CAMTA1: variants seen among roughly 807,000 people sequenced by gnomAD.
The protein encoded by CAMTA1 is calmodulin-binding transcription activator 1.
Under a neutral mutation model 170.9 loss-of-function variants are expected in CAMTA1, and 27 were observed. That is an observed-to-expected ratio of 0.16 (90% confidence interval 0.12 to 0.22). The LOEUF is 0.22. Among genes scored for constraint, CAMTA1 ranks in the 10% least tolerant of loss-of-function variants. CAMTA1 has a pLI of 1.00. For synonymous variants in CAMTA1, 833 were observed against 891.5 expected (o/e 0.93, Z 1.17); for missense variants, 1,619 against 2,217.2 (o/e 0.73, Z 5.42).
intron 3 of CAMTA1, among the ~76,000 whole-genome samples, chr1:6,995,677 G>A (rs1487759543): frequency 1.3e-5 from 2 of 152,218 alleles, no homozygotes; most frequent in Non-Finnish European, 2.9e-5. Context: ...GTGACTAACA[G>A]ATCGGGAGAT....
chr1:7,557,066 G>C (rs1168620430), intron 6 of CAMTA1, among the ~76,000 whole-genome samples: 1 of 152,064 alleles, frequency 6.6e-6, no homozygotes, highest in Non-Finnish European at 1.5e-5. Flanking sequence ...CCAGCACTTG[G>C]GGAGACCGAG....
chr1:6,839,127 A>G (rs1654597990), intron 3 of CAMTA1, among the ~76,000 whole-genome samples: 1 of 152,050 alleles, frequency 6.6e-6, no homozygotes, highest in African/African-American at 2.4e-5. Flanking sequence ...TCACGCCTGT[A>G]ATCTCAGCAC....
intron 5 of CAMTA1, among the ~76,000 whole-genome samples, chr1:7,403,505 G>A (rs775798395): frequency 2.0e-5 from 3 of 152,166 alleles, no homozygotes; most frequent in Non-Finnish European, 2.9e-5. Flanking sequence ...AGTACCTCCT[G>A]GAAGATGTAA....
chr1:7,546,887 C>A (rs2150142308), intron 6 of CAMTA1, among the ~76,000 whole-genome samples: 1 of 151,898 alleles, frequency 6.6e-6, no homozygotes, highest in South Asian at 2.1e-4. Context: ...CAGGTGGTGT[C>A]TGCAAGGCTT....
chr1:7,278,446 C>A (rs1342775410), intron 5 of CAMTA1, among the ~76,000 whole-genome samples: 1 of 152,126 alleles, frequency 6.6e-6, no homozygotes, highest in Non-Finnish European at 1.5e-5. Flanking sequence ...TTATTAACTA[C>A]AACAATAAAA....
Position 6,887,894 on chromosome 1 carries a change from G to A in CAMTA1, c.234+62684G>A, listed in dbSNP as rs985679274. On this transcript the variant is annotated intron_variant, in intron 3 of 22. Coordinates refer to ENST00000303635, the MANE Select transcript of CAMTA1 (RefSeq NM_015215.4). The surrounding 1 kb of genome is among the most constrained non-coding windows in gnomAD (Gnocchi z 4.1). ...AAATAGAATAAAGTGACCTACTCTT[G>A]CCTCATCCGGAGTTATTACGAAGGA... 23 of 1,386,836 alleles carry A rather than the reference G, an allele frequency of 1.7e-5. No individual in the cohort carries two copies. The highest frequency in any genetic ancestry group is 2.8e-6 in the Non-Finnish European group (3 of 1,068,294). The allele number at this position is 1,386,836 out of a possible 1,614,324, so 85.9% of individuals were successfully genotyped here.
chr1:7,412,596 TG>T (rs1317340011), intron 5 of CAMTA1, among the ~76,000 whole-genome samples: 1 of 147,532 alleles, frequency 6.8e-6, no homozygotes, highest in East Asian at 2.5e-4. Flanking sequence ...GCCCACTTTT[TG>T]ATGGGGTTGT....
chr1:7,462,438 T>A (rs1474915722), intron 5 of CAMTA1, among the ~76,000 whole-genome samples: 1 of 152,122 alleles, frequency 6.6e-6, no homozygotes, highest in African/African-American at 2.4e-5. Context: ...CTAATTTTTG[T>A]ATTTTTAGTA....
intron 5 of CAMTA1, among the ~76,000 whole-genome samples, chr1:7,353,218 T>G (rs944994075): frequency 6.6e-6 from 1 of 152,162 alleles, no homozygotes; most frequent in Non-Finnish European, 1.5e-5. Context: ...GCACCTGCTC[T>G]TCCCTGTTGG....
At chr1:7,101,786 CAA>C (rs907227294) in intron 4 of CAMTA1, among the ~76,000 whole-genome samples, 1 of 149,262 alleles carries the variant, frequency 6.7e-6, no homozygotes, top group African/African-American at 2.5e-5. Context: ...TTGTAACACA[CAA>C]TACATGTGTG....
intron 4 of CAMTA1, among the ~76,000 whole-genome samples, chr1:7,189,662 G>A (rs992162436): frequency 1.3e-5 from 2 of 152,216 alleles, no homozygotes; most frequent in African/African-American, 4.8e-5. Context: ...CAGTGAAAAC[G>A]GAACACATCT....
intron 3 of CAMTA1, among the ~76,000 whole-genome samples, chr1:6,828,890 G>GTTTTT (rs1026284603): frequency 3.9e-5 from 4 of 102,004 alleles, no homozygotes; most frequent in African/African-American, 4.0e-5. Flanking sequence ...CTGTAACGTA[G>GTTTTT]TTTTTTTTTT....
In CAMTA1 at chr1:7,680,231, C is replaced by A; in HGVS notation, c.2914+2498C>A. The A allele has an allele frequency of 3.8e-6, 1 of 263,328 alleles. No homozygotes were observed. Among genetic ancestry groups the A allele is most frequent in the South Asian group, 2.9e-5 (1 of 34,432 alleles). 16.3% of individuals were successfully genotyped at this position (263,328 alleles called of 1,614,324 possible). On this transcript the variant is annotated intron_variant, in intron 11 of 22. Transcript: ENST00000303635. The surrounding 1 kb of genome is among the most constrained non-coding windows in gnomAD (Gnocchi z 4.4). ...CCGGGCGGTGGTGAGCCTTCCGTTC[C>A]CCGCCTGTCCCTCCCGGCCCCTCCC...
intron 6 of CAMTA1, among the ~76,000 whole-genome samples, chr1:7,520,227 T>C (rs1575769250): frequency 3.8e-4 from 4 of 10,542 alleles, no homozygotes; most frequent in Admixed American, 2.5e-3. Context: ...CTCCTCCTCC[T>C]CCCTCCTCCT....
At chr1:7,757,268 A>G (rs1395476894) in intron 22 of CAMTA1, among the ~76,000 whole-genome samples, 1 of 152,194 alleles carries the variant, frequency 6.6e-6, no homozygotes, top group East Asian at 1.9e-4. Flanking sequence ...GTCTGTCCCA[A>G]CTACTCAGTT....
In CAMTA1 at chr1:7,325,622, G is replaced by A. The variant is rs74910920; in HGVS notation, c.438+75996G>A. Among the ~76,000 whole-genome samples the A allele has an allele frequency of 6.3e-3, 958 of 152,334 alleles. 12 individuals carry two copies. The highest frequency in any genetic ancestry group is 0.022 in the African/African-American group (918 of 41,558). ...GATTTCCTAATGGAACAGAGATGGG[G>A]TAGAGTCAAGCTTTTTTCTGCATGT... On this transcript the variant is annotated intron_variant, in intron 5 of 22. Coordinates refer to ENST00000303635, the MANE Select transcript of CAMTA1 (RefSeq NM_015215.4). The surrounding 1 kb of genome is among the most constrained non-coding windows in gnomAD (Gnocchi z 5.0).
intron 11 of CAMTA1, among the ~76,000 whole-genome samples, chr1:7,691,564 A>G (rs1318646998): frequency 6.6e-6 from 1 of 152,180 alleles, no homozygotes; most frequent in Non-Finnish European, 1.5e-5. Flanking sequence ...TGTGAGAGCC[A>G]CCGAGGAGAT....
chr1:6,825,947 G>A lies in CAMTA1; in HGVS notation c.234+737G>A, dbSNP rs144672636. ...GAATTGGGTATACGTCCATCAATTT[G>A]GGAGTTATATTCCTTTAATTCAGAT... On this transcript the variant is annotated intron_variant, in intron 3 of 22. Coordinates refer to ENST00000303635, the MANE Select transcript of CAMTA1 (RefSeq NM_015215.4). Among the ~76,000 whole-genome samples the A allele has an allele frequency of 3.4e-3, 516 of 152,266 alleles. 3 individuals carry two copies. Among genetic ancestry groups the A allele is most frequent in the Non-Finnish European group, 5.2e-3 (353 of 68,014 alleles).
chr1:7,580,741 A>C lies in CAMTA1; in HGVS notation c.511-59659A>C, dbSNP rs1310747867. On this transcript the variant is annotated intron_variant, in intron 6 of 22. Coordinates refer to ENST00000303635, the MANE Select transcript of CAMTA1 (RefSeq NM_015215.4). This position sits in a 1 kb window ranked among gnomAD's most constrained non-coding sequence, Gnocchi z 4.3. ...TCTTCCTGGATGGGCTGCCGGTCGG[A>C]GGGAACTTGGCATTTGACTCTGGCT... is the stretch of plus-strand genomic sequence containing the variant. 6.6e-6 allele frequency among the ~76,000 whole-genome samples: 1 copy of C among 152,034 alleles called. No individual in the cohort carries two copies.
Sources: allele counts gnomAD v4.1 joint callset (sites outside exome capture counted in the v4.1 genomes callset), GRCh38; gene constraint gnomAD v4.1.1; non-coding constraint Gnocchi (gnomAD v3.1); transcripts MANE v1.5; gene names NCBI Gene and HGNC (gene_info 2026-07-23, HGNC 2026-07-21).